PCSK5: variants seen among roughly 807,000 people sequenced by gnomAD.
The protein encoded by PCSK5 is prohormone convertase 5.
A neutral mutation model predicts 233.2 loss-of-function variants in PCSK5; 129 were observed. The ratio of observed to expected loss-of-function variants is 0.55; its 90% CI spans 0.48 to 0.64. The LOEUF (loss-of-function observed/expected upper bound fraction) is 0.64, where lower values mean the gene tolerates loss of function less well. Among genes scored for constraint, PCSK5 ranks in the 30% least tolerant of loss-of-function variants. The pLI is 0.00. For missense variants in PCSK5, 2,076 were observed against 2,430.1 expected (o/e 0.85, Z 3.06); for synonymous variants, 825 against 879.2 (o/e 0.94, Z 1.09).
chr9:76,131,996 G>A (rs533346941), intron 9 of PCSK5, among the ~76,000 whole-genome samples: 81 of 152,052 alleles, frequency 5.3e-4, no homozygotes, highest in Non-Finnish European at 1.0e-3. Flanking sequence ...TCATTTGGGA[G>A]GATTCTGCTT....
At chr9:76,191,055 A>G (rs1035427657) in intron 20 of PCSK5, among the ~76,000 whole-genome samples, 1 of 148,170 alleles carries the variant, frequency 6.7e-6, no homozygotes. Flanking sequence ...CATTTTGTGA[A>G]CTTTTTTGAC....
At chr9:76,173,845 C>A (rs914556634) in intron 13 of PCSK5, among the ~76,000 whole-genome samples, 1 of 151,812 alleles carries the variant, frequency 6.6e-6, no homozygotes, top group Non-Finnish European at 1.5e-5. Flanking sequence ...GTGGTGGGGG[C>A]CACCTGTAAT....
intron 24 of PCSK5, among the ~76,000 whole-genome samples, chr9:76,274,599 C>T (rs1827630687): frequency 6.6e-6 from 1 of 151,312 alleles, no homozygotes; most frequent in African/African-American, 2.5e-5. Context: ...GCATTACTTA[C>T]CTGGAACTAC....
At chr9:76,033,256 A>G (rs1158262439) in intron 5 of PCSK5, among the ~76,000 whole-genome samples, 2 of 152,218 alleles carry the variant, frequency 1.3e-5, no homozygotes, top group African/African-American at 4.8e-5. Flanking sequence ...CTAGAGGAAA[A>G]AAACACACTG....
intron 9 of PCSK5, among the ~76,000 whole-genome samples, chr9:76,109,631 G>A (rs1832127694): frequency 6.6e-6 from 1 of 150,678 alleles, no homozygotes; most frequent in Admixed American, 6.6e-5. Flanking sequence ...ACTGTGATGA[G>A]TAGAAGGAGG....
intron 8 of PCSK5, among the ~76,000 whole-genome samples, chr9:76,097,189 T>C (rs1295150318): frequency 1.4e-5 from 2 of 144,560 alleles, no homozygotes; most frequent in Non-Finnish European, 3.0e-5. Context: ...TGCCTCGGCC[T>C]CCCAAAGTGC....
At chr9:75,922,823 C>A (rs1487662151) in intron 1 of PCSK5, among the ~76,000 whole-genome samples, 1 of 152,148 alleles carries the variant, frequency 6.6e-6, no homozygotes, top group African/African-American at 2.4e-5. Context: ...CTGGGAAAAT[C>A]TGGTGCTTAT....
intron 8 of PCSK5, among the ~76,000 whole-genome samples, chr9:76,105,804 A>G (rs1375380713): frequency 6.6e-6 from 1 of 152,208 alleles, no homozygotes; most frequent in South Asian, 2.1e-4. Context: ...ACCCACACCT[A>G]TCTAGTACAG....
At chr9:76,332,823 T>C (rs1267108363) in intron 34 of PCSK5, among the ~76,000 whole-genome samples, 4 of 152,192 alleles carry the variant, frequency 2.6e-5, no homozygotes, top group Non-Finnish European at 5.9e-5. Flanking sequence ...GGTCAGATTG[T>C]CAAGCCGGAC....
chr9:76,059,502 TA>T (rs1829950407), intron 5 of PCSK5, among the ~76,000 whole-genome samples: 1 of 152,244 alleles, frequency 6.6e-6, no homozygotes, highest in Admixed American at 6.5e-5. Context: ...GTCTAACGTT[TA>T]AGTCTTTAAT....
At chr9:76,188,722 T>TTTTC (rs757412006) in intron 18 of PCSK5, 47 bp downstream of exon 18, 4 of 1,452,008 alleles carry the variant, frequency 2.8e-6, no homozygotes, top group Non-Finnish European at 3.9e-6. Context: ...CTGGTTTTGC[T>TTTTC]TTTCTTTCTG....
At chr9:76,244,675 C>A (rs1057421852) in intron 24 of PCSK5, among the ~76,000 whole-genome samples, 2 of 149,758 alleles carry the variant, frequency 1.3e-5, no homozygotes, top group African/African-American at 4.9e-5. Flanking sequence ...TAACTAGAAT[C>A]TCATCTATTT....
At chr9:75,984,446 T>C (rs1826414126) in intron 2 of PCSK5, among the ~76,000 whole-genome samples, 1 of 152,184 alleles carries the variant, frequency 6.6e-6, no homozygotes, top group South Asian at 2.1e-4. Context: ...ACTGCCAATA[T>C]AGGATTAGTT....
Position 75,891,089 on chromosome 9 carries a change from T to TGCGGCGGCCCGGGGCTGCA in PCSK5, c.-93_-92insGCGGCGGCCCGGGGCTGCA. 9.6e-7 allele frequency: 1 copy of TGCGGCGGCCCGGGGCTGCA among 1,038,806 alleles called. No individual in the cohort carries two copies. Among genetic ancestry groups the TGCGGCGGCCCGGGGCTGCA allele is most frequent in the Non-Finnish European group, 1.3e-6 (1 of 787,798 alleles). The allele number at this position is 1,038,806 out of a possible 1,614,324, so 64.3% of individuals were successfully genotyped here. A position where few individuals can be genotyped will look rare whatever the true frequency, so the allele number is the denominator to read the frequency against. On this transcript the variant is annotated 5_prime_UTR_variant, in exon 1 of 38. Coordinates refer to ENST00000674117, the MANE Select transcript of PCSK5 (RefSeq NM_001372043.1). Reference sequence around the variant, plus strand: ...GCGAGCTGCGGCGGCCCGGGGCTGCTCGCCGGGCGGCGCAGGCCGGAGAAG... The same window carrying TGCGGCGGCCCGGGGCTGCA: ...GCGAGCTGCGGCGGCCCGGGGCTGCTGCGGCGGCCCGGGGCTGCACGCCGGGCGGCGCAGGCCGGAGAAG...
At chr9:75,958,551 C>G (rs916996885) in intron 2 of PCSK5, among the ~76,000 whole-genome samples, 5 of 152,148 alleles carry the variant, frequency 3.3e-5, no homozygotes, top group Non-Finnish European at 7.3e-5. Flanking sequence ...AGGCCAAAAC[C>G]TGTGTTGAGG....
intron 32 of PCSK5, 64 bp downstream of exon 32, chr9:76,323,352 G>C: frequency 1.1e-6 from 1 of 913,690 alleles, no homozygotes; most frequent in Non-Finnish European, 1.7e-6. Context: ...CAGCCCCAGC[G>C]CCAGAGCTGT....
intron 5 of PCSK5, among the ~76,000 whole-genome samples, chr9:76,040,444 C>A (rs1391021082): frequency 1.4e-5 from 2 of 142,686 alleles, no homozygotes; most frequent in Non-Finnish European, 3.0e-5. Context: ...TCAGCTGTGT[C>A]TTTTTATTGA....
At chr9:76,137,705 T>C (rs1227003744) in intron 10 of PCSK5, among the ~76,000 whole-genome samples, 2 of 152,038 alleles carry the variant, frequency 1.3e-5, no homozygotes, top group Middle Eastern at 3.2e-3. Flanking sequence ...AGAATCTACT[T>C]TAGATTGCCC....
chr9:76,358,939 C>T lies in PCSK5; in HGVS notation c.*17C>T. On this transcript the variant is annotated 3_prime_UTR_variant, in exon 38 of 38. Coordinates refer to ENST00000674117, the MANE Select transcript of PCSK5 (RefSeq NM_001372043.1). ...TACCAGTAAACAGGCACTCCCCCAC[C>T]AACACCACCATTCCACTCTCAGGCA... is the stretch of plus-strand genomic sequence containing the variant. 6.2e-7 allele frequency: 1 copy of T among 1,604,446 alleles called. No individual in the cohort carries two copies. Among genetic ancestry groups the T allele is most frequent in the Non-Finnish European group, 8.5e-7 (1 of 1,173,960 alleles).
Sources: gnomAD v4.1 joint callset for allele counts (sites outside exome capture counted in the v4.1 genomes callset) on GRCh38, gnomAD v4.1.1 for gene constraint, MANE v1.5 for transcripts, NCBI Gene and HGNC (gene_info 2026-07-23, HGNC 2026-07-21) for gene names.